Variants in CAMKV observed in about 807,000 individuals in gnomAD.
CAMKV encodes CaM kinase like vesicle associated, also known as caM kinase-like vesicle-associated protein.
In CAMKV, 5 loss-of-function variants were observed where a neutral mutation model predicts 50.2. The ratio of observed to expected loss-of-function variants is 0.10; its 90% CI spans 0.05 to 0.21. CAMKV has a LOEUF of 0.21. CAMKV is among the 10% of genes least tolerant of loss of function. CAMKV has a pLI of 1.00. For synonymous variants in CAMKV, 229 were observed against 250.1 expected, an observed-to-expected ratio of 0.92 and a Z score of 0.80; for missense variants, 361 against 650.5, an observed-to-expected ratio of 0.55 and a Z score of 4.84.
rs962419127 is a variant in CAMKV, at chr3:49,869,596, C to G, written c.-15+162G>C. Among the ~76,000 whole-genome samples, 6 of 152,194 alleles carry G rather than the reference C, an allele frequency of 3.9e-5. No individual in the cohort carries two copies. Among genetic ancestry groups the G allele is most frequent in the Admixed American group, 2.0e-4 (3 of 15,288 alleles). On this transcript the variant is annotated intron_variant, in intron 1 of 10. Coordinates refer to ENST00000477224, the MANE Select transcript of CAMKV (RefSeq NM_024046.5). The surrounding 1 kb of genome is among the most constrained non-coding windows in gnomAD (Gnocchi z 5.2). ...ACTTTAGCCCGACCCCGCACTCCCT[C>G]CCCCAAATCTGCAAAGCCCGCGCGC... is the stretch of plus-strand genomic sequence containing the variant.
Position 49,861,865 on chromosome 3 carries a change from C to G in CAMKV, c.228G>C (p.Met76Ile). ...GCTGTAGGATGTTGGGATGCTTCAC[C>G]CTGGCGACAGGGAGGGGAGCCAGTA... ...AAKNEIGILK[M>I]VKHPNILQLV... Residue 76 changes from methionine (M) to isoleucine (I), a missense_variant and splice_region_variant, in exon 4 of 11, where the codon ATG (methionine) becomes ATC (isoleucine). Physicochemically the swap from Met to Ile is conservative, Grantham distance 10. Coordinates refer to ENST00000477224, the MANE Select transcript of CAMKV (RefSeq NM_024046.5). The surrounding 1 kb of genome is among the most constrained non-coding windows in gnomAD (Gnocchi z 7.7). 1.2e-6 allele frequency: 2 copies of G among 1,613,790 alleles called. No individual in the cohort carries two copies. Among genetic ancestry groups the G allele is most frequent in the Non-Finnish European group, 8.5e-7 (1 of 1,179,850 alleles).
intron 1 of CAMKV, among the ~76,000 whole-genome samples, chr3:49,865,849 G>T (rs1575409434): frequency 1.3e-5 from 2 of 152,250 alleles, no homozygotes; most frequent in South Asian, 4.1e-4. Context: ...AGCTTTGCCA[G>T]TGTGGCGTGG....
At chr3:49,868,092 C>G (rs1254575285) in intron 1 of CAMKV, among the ~76,000 whole-genome samples, 2 of 152,320 alleles carry the variant, frequency 1.3e-5, no homozygotes, top group East Asian at 3.9e-4. Flanking sequence ...CTGCAGCCCC[C>G]CAGTCAGGAC....
intron 1 of CAMKV, among the ~76,000 whole-genome samples, chr3:49,868,389 AC>A (rs1044921395): frequency 2.0e-5 from 3 of 152,124 alleles, no homozygotes; most frequent in African/African-American, 2.4e-5. Context: ...CAGAAACGGC[AC>A]CACAAGCAAC....
At position 49,862,335 on chromosome 3, in the gene CAMKV, C is replaced by T. The variant is rs149864872; in HGVS notation, c.54G>A (p.Ser18=). 31 of 1,614,220 alleles carry T rather than the reference C, an allele frequency of 1.9e-5. No individual in the cohort carries two copies. The East Asian group carries it at 2.0e-4, about 10-fold the overall frequency. ...LGDKKNYNQP[S]EVTDRYDLGQ... is the part of the protein sequence containing the mutation. ...CCAAATCATATCTGTCAGTCACCTC[C>T]GATGGCTGGTTATAGTTCTTCTTGT... The change falls in exon 2 of 11, where the codon TCG becomes TCA. Residue 18 remains serine (S), a synonymous_variant. Transcript: ENST00000477224. This position sits in a 1 kb window ranked among gnomAD's most constrained non-coding sequence, Gnocchi z 5.2.
In CAMKV at chr3:49,859,827, T is replaced by C. The variant is rs1017181631; in HGVS notation, c.997A>G (p.Ser333Gly). ...MKRLRAPEQS[S>G]TAAAQSASAT... Reference sequence around the variant, plus strand: ...GAGGCCGACTGGGCTGCAGCCGTGCTGGACTGCTCTGGTGCCCGGAGCCGT... The same window carrying C: ...GAGGCCGACTGGGCTGCAGCCGTGCCGGACTGCTCTGGTGCCCGGAGCCGT... Residue 333 changes from serine to glycine, a missense_variant, in exon 11 of 11, where the codon AGC (serine) becomes GGC (glycine). Ser to Gly is a moderately conservative substitution (Grantham distance 56, BLOSUM62 0). Coordinates refer to ENST00000477224, the MANE Select transcript of CAMKV (RefSeq NM_024046.5). This position sits in a 1 kb window ranked among gnomAD's most constrained non-coding sequence, Gnocchi z 5.5. 1 of 1,529,562 alleles carries C rather than the reference T, an allele frequency of 6.5e-7. No individual in the cohort carries two copies. Among genetic ancestry groups the C allele is most frequent in the Non-Finnish European group, 8.7e-7 (1 of 1,144,530 alleles). The allele number at this position is 1,529,562 out of a possible 1,614,324, so 94.7% of individuals were successfully genotyped here. A position where few individuals can be genotyped will look rare whatever the true frequency, so the allele number is the denominator to read the frequency against.
rs1185840055 is a variant in CAMKV, at chr3:49,862,340, G to T, written c.49C>A (p.Pro17Thr). 2 of 1,614,202 alleles carry T rather than the reference G, an allele frequency of 1.2e-6. No individual in the cohort carries two copies. The highest frequency in any genetic ancestry group is 4.5e-5 in the East Asian group (2 of 44,884). Reference sequence around the variant, plus strand: ...TCATATCTGTCAGTCACCTCCGATGGCTGGTTATAGTTCTTCTTGTCGCCC... The same window carrying T: ...TCATATCTGTCAGTCACCTCCGATGTCTGGTTATAGTTCTTCTTGTCGCCC... ...TLGDKKNYNQ[P>T]SEVTDRYDLG... The change falls in exon 2 of 11, where the codon CCA becomes ACA. Residue 17 changes from proline (P) to threonine (T), a missense_variant. This residue lies in a region of CAMKV where 172 missense variants were observed against 414.3 expected (regional missense o/e 0.42). Coordinates refer to ENST00000477224, the MANE Select transcript of CAMKV (RefSeq NM_024046.5). The surrounding 1 kb of genome is among the most constrained non-coding windows in gnomAD (Gnocchi z 5.2).
Position 49,861,654 on chromosome 3 carries a change from G to T in CAMKV, c.303-77C>A. The T allele has an allele frequency of 6.3e-7, 1 of 1,598,958 alleles. No individual in the cohort carries two copies. The highest frequency in any genetic ancestry group is 8.6e-7 in the Non-Finnish European group (1 of 1,168,126). Reference sequence around the variant, plus strand: ...AGGAGCACTTGGGTGAGCTGCCTACGCCAGGCAGCTGGCTGAGCAAGGCAC... The same window carrying T: ...AGGAGCACTTGGGTGAGCTGCCTACTCCAGGCAGCTGGCTGAGCAAGGCAC... On this transcript the variant is annotated intron_variant, in intron 4 of 10. Transcript: ENST00000477224. This position sits in a 1 kb window ranked among gnomAD's most constrained non-coding sequence, Gnocchi z 7.7.
chr3:49,865,513 AT>A (rs139708622), intron 1 of CAMKV, among the ~76,000 whole-genome samples: 11,652 of 152,202 alleles, frequency 0.077, 580 homozygotes, highest in Non-Finnish European at 0.1. Context: ...TATTTATAAC[AT>A]TAAAAAAAAT....
rs1159874955 is a variant in CAMKV at position 49,858,600 on chromosome 3, G to C, written c.*718C>G. 2 of 374,880 alleles carry C rather than the reference G, an allele frequency of 5.3e-6. No homozygotes were observed. The highest frequency in any genetic ancestry group is 2.1e-5 in the African/African-American group (1 of 48,098). The allele number at this position is 374,880 out of a possible 1,614,324, so 23.2% of individuals were successfully genotyped here. A position where few individuals can be genotyped will look rare whatever the true frequency, so the allele number is the denominator to read the frequency against. On this transcript the variant is annotated 3_prime_UTR_variant, in exon 11 of 11. Coordinates refer to ENST00000477224, the MANE Select transcript of CAMKV (RefSeq NM_024046.5). ...TCCCTTAGAGGCTCATGAGGTTCAG[G>C]GTACAGGGCAGCCCACTGCAGGACT...
Position 49,860,995 on chromosome 3 carries a change from G to A in CAMKV, c.586C>T (p.Arg196Trp), listed in dbSNP as rs1220869354. 4 of 1,613,988 alleles carry A rather than the reference G, an allele frequency of 2.5e-6. No homozygotes were observed. Among genetic ancestry groups the A allele is most frequent in the Non-Finnish European group, 3.4e-6 (4 of 1,179,998 alleles). ...YLAPEVVGRQ[R>W]YGRPVDCWAI... is the part of the protein sequence containing the mutation. ...CAGCAGTCCACAGGGCGTCCATACC[G>A]CTGCCGGCCTACCACCTCTGGGGCT... Residue 196 changes from arginine to tryptophan, a missense_variant, in exon 7 of 11, where the codon CGG becomes TGG. Transcript: ENST00000477224. This position sits in a 1 kb window ranked among gnomAD's most constrained non-coding sequence, Gnocchi z 6.1.
In CAMKV at chr3:49,861,504, C is replaced by T. The variant is rs1446833091; in HGVS notation, c.376G>A (p.Val126Ile). ...YYSERDTSNV[V>I]RQVLEAVAYL... ...GCCACGGCCTCCAGGACTTGCCGTA[C>T]CACGTTGCTTGTGTCTCGCTCCGAG... Residue 126 changes from valine to isoleucine, a missense_variant, in exon 5 of 11, where the codon GTA (valine) becomes ATA (isoleucine). Around this residue, in one of 4 missense-constraint regions of CAMKV, gnomAD observed 172 missense variants for 414.3 expected, o/e 0.42. Coordinates refer to ENST00000477224, the MANE Select transcript of CAMKV (RefSeq NM_024046.5). This position sits in a 1 kb window ranked among gnomAD's most constrained non-coding sequence, Gnocchi z 7.7. 1.2e-6 allele frequency: 2 copies of T among 1,614,208 alleles called. No homozygotes were observed. Among genetic ancestry groups the T allele is most frequent in the East Asian group, 4.5e-5 (2 of 44,870 alleles).
rs1382542835 is a variant in CAMKV, at chr3:49,862,689, AT to A, written c.-14-288del. 6.6e-6 allele frequency among the ~76,000 whole-genome samples: 1 copy of A among 152,272 alleles called. No individual in the cohort carries two copies. The highest frequency in any genetic ancestry group is 1.5e-5 in the Non-Finnish European group (1 of 68,048). ...TTCTATACATTCAAAAAAAAGGCTT[AT>A]CAAACAGTTTATTTAAATTTCAGCT... On this transcript the variant is annotated intron_variant, in intron 1 of 10. Coordinates refer to ENST00000477224, the MANE Select transcript of CAMKV (RefSeq NM_024046.5). The surrounding 1 kb of genome is among the most constrained non-coding windows in gnomAD (Gnocchi z 5.2).
chr3:49,860,879 AG>A lies in CAMKV; in HGVS notation c.639-28del. 2 of 1,614,006 alleles carry A rather than the reference AG, an allele frequency of 1.2e-6. No individual in the cohort carries two copies. Among genetic ancestry groups the A allele is most frequent in the Non-Finnish European group, 1.7e-6 (2 of 1,179,964 alleles). ...TGCATGGGGGAAGGGTCACACAGAAAGGCCACAGACACATGCCCCCACCCCA... is the reference window on the plus strand; with the variant it reads ...TGCATGGGGGAAGGGTCACACAGAAAGCCACAGACACATGCCCCCACCCCA... On this transcript the variant is annotated intron_variant, in intron 7 of 10. Coordinates refer to ENST00000477224, the MANE Select transcript of CAMKV (RefSeq NM_024046.5). The surrounding 1 kb of genome is among the most constrained non-coding windows in gnomAD (Gnocchi z 6.1).
intron 1 of CAMKV, among the ~76,000 whole-genome samples, chr3:49,867,164 T>C (rs2082071528): frequency 6.6e-6 from 1 of 152,194 alleles, no homozygotes; most frequent in Non-Finnish European, 1.5e-5. Flanking sequence ...CCTGCTTAAC[T>C]CACAGCTGAG....
Position 49,862,477 on chromosome 3 carries a change from A to AC in CAMKV, c.-14-76dup, listed in dbSNP as rs1173204610. 7.4e-7 allele frequency: 1 copy of AC among 1,354,908 alleles called. No individual in the cohort carries two copies. The highest frequency in any genetic ancestry group is 1.1e-6 in the Non-Finnish European group (1 of 946,836). The allele number at this position is 1,354,908 out of a possible 1,614,324, so 83.9% of individuals were successfully genotyped here. A position where few individuals can be genotyped will look rare whatever the true frequency, so the allele number is the denominator to read the frequency against. On this transcript the variant is annotated intron_variant, in intron 1 of 10. Coordinates refer to ENST00000477224, the MANE Select transcript of CAMKV (RefSeq NM_024046.5). This position sits in a 1 kb window ranked among gnomAD's most constrained non-coding sequence, Gnocchi z 5.2. ...ACAACATAGGGGCTGCTTTTGGGAG[A>AC]CCCCAACCTGGCTCAGGCCAAGCTA...
Position 49,861,776 on chromosome 3 carries a change from C to G in CAMKV, c.302+15G>C, listed in dbSNP as rs368182070. 6 of 1,612,070 alleles carry G rather than the reference C, an allele frequency of 3.7e-6. No individual in the cohort carries two copies. Among genetic ancestry groups the G allele is most frequent in the Non-Finnish European group, 5.1e-6 (6 of 1,178,508 alleles). On this transcript the variant is annotated intron_variant, in intron 4 of 10. Coordinates refer to ENST00000477224, the MANE Select transcript of CAMKV (RefSeq NM_024046.5). The surrounding 1 kb of genome is among the most constrained non-coding windows in gnomAD (Gnocchi z 7.7). ...TGGGCGCTGGGGAATCTTGGGTCCC[C>G]AGACCCACACTCACAGCTCCAGGAA... is the stretch of plus-strand genomic sequence containing the variant.
At position 49,858,301 on chromosome 3, in the gene CAMKV, C is replaced by T. The variant is rs1299533705; in HGVS notation, c.*1017G>A. On this transcript the variant is annotated 3_prime_UTR_variant, in exon 11 of 11. Transcript: ENST00000477224. The stretch of plus-strand genomic sequence containing the variant: ...AGTGAGCTGTAGAAAGAGGGAGTTC[C>T]TCTTCATTTCATTGTTGAACTGAGC... 2.5e-6 allele frequency: 1 copy of T among 398,544 alleles called. No homozygotes were observed. Among genetic ancestry groups the T allele is most frequent in the Non-Finnish European group, 4.4e-6 (1 of 226,088 alleles). 24.7% of individuals were successfully genotyped at this position (398,544 alleles called of 1,614,324 possible).
rs765553809 is a variant in CAMKV at position 49,859,301 on chromosome 3, C to T, written c.*17G>A. On this transcript the variant is annotated 3_prime_UTR_variant, in exon 11 of 11. Coordinates refer to ENST00000477224, the MANE Select transcript of CAMKV (RefSeq NM_024046.5). This position sits in a 1 kb window ranked among gnomAD's most constrained non-coding sequence, Gnocchi z 5.5. ...CCCTCCTGCCCATCCCCTGCCCCCC[C>T]TCACCAGGCTGCCTACTCAGCTGGC... The T allele has an allele frequency of 6.6e-7, 1 of 1,516,378 alleles. No individual in the cohort carries two copies. The highest frequency in any genetic ancestry group is 8.8e-7 in the Non-Finnish European group (1 of 1,135,938). 93.9% of individuals were successfully genotyped at this position (1,516,378 alleles called of 1,614,324 possible).
Sources: allele counts gnomAD v4.1 joint callset (sites outside exome capture counted in the v4.1 genomes callset), GRCh38; gene constraint gnomAD v4.1.1; regional missense constraint gnomAD v4.1.1; non-coding constraint Gnocchi (gnomAD v3.1); transcripts MANE v1.5; gene names NCBI Gene and HGNC (gene_info 2026-07-23, HGNC 2026-07-21).